The following KIFAP3 variants were observed in gnomAD, a reference collection of about 807,000 sequenced individuals.
KIFAP3 encodes the protein kinesin associated protein 3, also known as kinesin-associated protein 3.
KIFAP3 carries 68 observed loss-of-function variants against 106.5 expected under a neutral mutation model. The ratio of observed to expected loss-of-function variants is 0.64; its 90% CI spans 0.53 to 0.78. The LOEUF is 0.78. KIFAP3 is among the 30% of genes least tolerant of loss of function. The pLI, the probability that KIFAP3 is intolerant of heterozygous loss-of-function variation, is 0.00. For missense variants in KIFAP3, 780 were observed against 941.8 expected, an observed-to-expected ratio of 0.83 and a Z score of 2.25; for synonymous variants, 320 against 311.5, an observed-to-expected ratio of 1.03 and a Z score of -0.29.
chr1:170,000,211 C>T (rs1313628475), intron 10 of KIFAP3, among the ~76,000 whole-genome samples: 1 of 152,130 alleles, frequency 6.6e-6, no homozygotes, highest in East Asian at 1.9e-4. Context: ...CAGCCCAACA[C>T]TGTGAAAACA....
chr1:169,967,137 T>C (rs1326990121), intron 17 of KIFAP3, among the ~76,000 whole-genome samples: 1 of 151,760 alleles, frequency 6.6e-6, no homozygotes, highest in Admixed American at 6.6e-5. Context: ...AAAAGCACAT[T>C]TGGGGGACAA....
At chr1:169,997,004 C>T (rs544860329) in intron 10 of KIFAP3, among the ~76,000 whole-genome samples, 1 of 152,216 alleles carries the variant, frequency 6.6e-6, no homozygotes, top group South Asian at 2.1e-4. Context: ...CTAAATTGGA[C>T]AATAACTGCA....
At chr1:170,058,904 T>A (rs959565124) in intron 1 of KIFAP3, among the ~76,000 whole-genome samples, 1 of 152,162 alleles carries the variant, frequency 6.6e-6, no homozygotes, top group African/African-American at 2.4e-5. Flanking sequence ...TCAGGTTAAC[T>A]GCTCCTGAAT....
At chr1:169,953,808 G>A (rs911088735) in intron 19 of KIFAP3, among the ~76,000 whole-genome samples, 1 of 152,104 alleles carries the variant, frequency 6.6e-6, no homozygotes, top group South Asian at 2.1e-4. Flanking sequence ...GCCACCACAC[G>A]CGGCCTTGTG....
intron 1 of KIFAP3, among the ~76,000 whole-genome samples, chr1:170,066,238 T>G (rs965600121): frequency 2.0e-5 from 3 of 147,372 alleles, no homozygotes; most frequent in Non-Finnish European, 4.5e-5. Flanking sequence ...CCTTATAAAC[T>G]CACACAAAAA....
chr1:170,057,432 A>G (rs12129164), intron 1 of KIFAP3, among the ~76,000 whole-genome samples: 9,653 of 152,166 alleles, frequency 0.063, 391 homozygotes, highest in Non-Finnish European at 0.095. Flanking sequence ...TTATCACAAA[A>G]TCAACTTATG....
intron 18 of KIFAP3, chr1:169,958,383 T>G (rs1665141131): frequency 6.6e-6 from 1 of 152,222 alleles, no homozygotes; most frequent in South Asian, 2.1e-4. Flanking sequence ...TGAGCCACCA[T>G]GCCCGACCTC....
Position 169,961,157 on chromosome 1 carries a change from C to T in KIFAP3, c.2062G>A (p.Glu688Lys). The T allele has an allele frequency of 3.1e-6, 5 of 1,613,746 alleles. No homozygotes were observed. Among genetic ancestry groups the T allele is most frequent in the Non-Finnish European group, 4.2e-6 (5 of 1,179,754 alleles). Residue 688 changes from glutamate (E) to lysine (K), a missense_variant, in exon 18 of 20, where the codon GAG becomes AAG. Transcript: ENST00000361580. Reference protein sequence around the residue: ...WHNSQWLEMVESRQMDESEQY... With the variant: ...WHNSQWLEMVKSRQMDESEQY... ...TCACTCTCATCCATCTGACGACTCT[C>T]TACCATCTCCAGCCACTGAGAGTTA...
At chr1:169,966,012 T>C (rs971913865) in intron 17 of KIFAP3, among the ~76,000 whole-genome samples, 1 of 151,926 alleles carries the variant, frequency 6.6e-6, no homozygotes, top group Non-Finnish European at 1.5e-5. Flanking sequence ...AATTATTGTA[T>C]AGAACCAGTG....
intron 12 of KIFAP3, 32 bp downstream of exon 12, chr1:169,984,550 T>C (rs1553280605): frequency 9.2e-7 from 1 of 1,082,988 alleles, no homozygotes; most frequent in Non-Finnish European, 1.4e-6. Context: ...TACCATATGC[T>C]AAAAAAGTTA....
In KIFAP3 at chr1:170,024,496, C is replaced by A. The variant is rs777924823; in HGVS notation, c.942G>T (p.Arg314=). The change falls in exon 9 of 20, where the codon CGG becomes CGT. Residue 314 remains arginine, a synonymous_variant. Transcript: ENST00000361580. ...CTAAAATTAGCAGCTCAAAATTGTC[C>A]CGATCAAGGGCTTTCACCAACATGT... is the stretch of plus-strand genomic sequence containing the variant. ...IVHMLVKALD[R]DNFELLILVV... 1 of 1,606,082 alleles carries A rather than the reference C, an allele frequency of 6.2e-7. No individual in the cohort carries two copies. The highest frequency in any genetic ancestry group is 1.7e-5 in the Admixed American group (1 of 59,146).
At chr1:170,032,033 CTACTGA>C in intron 7 of KIFAP3, 49 bp from the exon 8 acceptor site, 1 of 1,027,016 alleles carries the variant, frequency 9.7e-7, no homozygotes, top group South Asian at 1.4e-5. Flanking sequence ...CAAAAAAAAT[CTACTGA>C]TAAATTCTAT....
intron 11 of KIFAP3, among the ~76,000 whole-genome samples, chr1:169,991,573 T>C (rs1353815165): frequency 6.6e-6 from 1 of 152,156 alleles, no homozygotes; most frequent in Admixed American, 6.6e-5. Context: ...TCTTAGAAGA[T>C]ATTTTGGCCA....
chr1:170,027,042 C>CA (rs1669150844), intron 8 of KIFAP3, among the ~76,000 whole-genome samples: 1 of 86,608 alleles, frequency 1.2e-5, no homozygotes, highest in African/African-American at 4.6e-5. Flanking sequence ...TTTTTTGAGA[C>CA]AGAGTTTTGC....
At chr1:170,079,358 G>A (rs1028130802), upstream of KIFAP3, among the ~76,000 whole-genome samples, 5 of 152,116 alleles carry the variant, frequency 3.3e-5, no homozygotes, top group African/African-American at 1.2e-4. Context: ...ACAGCCTGAA[G>A]AACAATGAAC....
intron 16 of KIFAP3, among the ~76,000 whole-genome samples, chr1:169,977,504 G>T (rs577697711): frequency 6.6e-6 from 1 of 152,018 alleles, no homozygotes; most frequent in South Asian, 2.1e-4. Context: ...TTGTATCCTA[G>T]GGAGGTTAAG....
intron 1 of KIFAP3, among the ~76,000 whole-genome samples, chr1:170,062,840 T>C (rs1348162250): frequency 6.6e-6 from 1 of 152,174 alleles, no homozygotes; most frequent in Non-Finnish European, 1.5e-5. Flanking sequence ...CACTGATACA[T>C]TGTGACCCTA....
chr1:170,004,152 A>T (rs1667814779), intron 10 of KIFAP3, among the ~76,000 whole-genome samples: 1 of 152,040 alleles, frequency 6.6e-6, no homozygotes, highest in Non-Finnish European at 1.5e-5. Context: ...TTTACAAGGG[A>T]TGTGAAGGAC....
intron 1 of KIFAP3, among the ~76,000 whole-genome samples, chr1:170,067,249 A>C (rs1671491007): frequency 6.6e-6 from 1 of 152,166 alleles, no homozygotes; most frequent in South Asian, 2.1e-4. Flanking sequence ...CCCAGAAAAA[A>C]GGTGAGAGAG....
Sources: gnomAD v4.1 joint callset for allele counts (sites outside exome capture counted in the v4.1 genomes callset) on GRCh38, gnomAD v4.1.1 for gene constraint, MANE v1.5 for transcripts, NCBI Gene and HGNC (gene_info 2026-07-23, HGNC 2026-07-21) for gene names.